The following DOCK4 variants were observed in gnomAD, a reference collection of about 807,000 sequenced individuals.
DOCK4 encodes dedicator of cytokinesis 4.
DOCK4 carries 97 observed loss-of-function variants against 268.1 expected under a neutral mutation model. The observed-to-expected ratio is 0.36, with a 90% CI of 0.31 to 0.43. The LOEUF (loss-of-function observed/expected upper bound fraction) is 0.43, where lower values mean the gene tolerates loss of function less well. Among genes scored for constraint, DOCK4 ranks in the 20% least tolerant of loss-of-function variants. The probability of loss-of-function intolerance (pLI) is 1.00; values close to 1 mark genes in which losing one functional copy is unlikely to be tolerated. For synonymous variants in DOCK4, 954 were observed against 887.2 expected (o/e 1.08, Z -1.34); for missense variants, 2,145 against 2,455.7 (o/e 0.87, Z 2.67).
chr7:112,037,876 G>A (rs1384203466), intron 1 of DOCK4, among the ~76,000 whole-genome samples: 1 of 152,112 alleles, frequency 6.6e-6, no homozygotes, highest in African/African-American at 2.4e-5. Flanking sequence ...GAAAGTTCCA[G>A]TTGCTCCATA....
At chr7:111,891,569 C>T (rs1000432577) in intron 16 of DOCK4, among the ~76,000 whole-genome samples, 2 of 152,200 alleles carry the variant, frequency 1.3e-5, no homozygotes, top group Non-Finnish European at 2.9e-5. Flanking sequence ...ATCACCTTTG[C>T]TCACCTTGTC....
chr7:111,834,877 C>T (rs1001366056), intron 25 of DOCK4, among the ~76,000 whole-genome samples, 191 bp from the exon 26 acceptor site: 2 of 151,844 alleles, frequency 1.3e-5, no homozygotes, highest in African/African-American at 2.4e-5. Context: ...ATGATGATTA[C>T]CATTTATTTA....
intron 36 of DOCK4, among the ~76,000 whole-genome samples, chr7:111,776,462 C>G (rs965446592): frequency 6.6e-6 from 1 of 152,114 alleles, no homozygotes; most frequent in African/African-American, 2.4e-5. Flanking sequence ...AATCAGTGGA[C>G]TTAACTCAAT....
At chr7:111,831,893 A>G (rs1322613362) in intron 26 of DOCK4, among the ~76,000 whole-genome samples, 1 of 152,138 alleles carries the variant, frequency 6.6e-6, no homozygotes, top group Non-Finnish European at 1.5e-5. Context: ...TCCTCAAAAC[A>G]AAGTCTACAC....
In DOCK4 at chr7:112,007,094, T is replaced by C. The variant is rs141000304; in HGVS notation, c.38-2963A>G. On this transcript the variant is annotated intron_variant, in intron 1 of 52. Coordinates refer to ENST00000428084, the MANE Select transcript of DOCK4 (RefSeq NM_001363540.2). Reference sequence around the variant, plus strand: ...TAGGACATTAGAAGATTTCCTGATGTTACTCCTTCCTTTTTGTCATCCGTG... The same window carrying C: ...TAGGACATTAGAAGATTTCCTGATGCTACTCCTTCCTTTTTGTCATCCGTG... 1.9e-3 allele frequency among the ~76,000 whole-genome samples: 296 copies of C among 152,326 alleles called. 1 individual carries two copies. Among genetic ancestry groups the C allele is most frequent in the African/African-American group, 6.6e-3 (275 of 41,576 alleles).
intron 1 of DOCK4, among the ~76,000 whole-genome samples, chr7:112,057,308 T>C (rs895685525): frequency 6.6e-5 from 10 of 152,020 alleles, no homozygotes; most frequent in Admixed American, 1.3e-4. Flanking sequence ...TTTGGGACTT[T>C]GGGATGCTGA....
chr7:111,872,415 T>G, intron 18 of DOCK4, 52 bp downstream of exon 18: 1 of 1,531,612 alleles, frequency 6.5e-7, no homozygotes, highest in Non-Finnish European at 8.8e-7. Context: ...CCTCCAAATG[T>G]TCTTTATTCT....
intron 1 of DOCK4, among the ~76,000 whole-genome samples, chr7:112,037,160 C>G (rs918037244): frequency 6.6e-6 from 1 of 152,146 alleles, no homozygotes; most frequent in African/African-American, 2.4e-5. Context: ...ATATTCAACA[C>G]TTTATTACAA....
At chr7:111,774,898 T>C (rs1798349009) in intron 36 of DOCK4, among the ~76,000 whole-genome samples, 1 of 152,176 alleles carries the variant, frequency 6.6e-6, no homozygotes, top group Non-Finnish European at 1.5e-5. Flanking sequence ...CAATACACAA[T>C]ACACAAATAA....
Position 111,895,717 on chromosome 7 carries a change from T to C in DOCK4, c.1482A>G (p.Thr494=). 1 of 1,613,712 alleles carries C rather than the reference T, an allele frequency of 6.2e-7. No homozygotes were observed. Among genetic ancestry groups the C allele is most frequent in the East Asian group, 2.2e-5 (1 of 44,872 alleles). ...ACAACTTCTTCTCTCCTTTCTCCTT[T>C]GCTGTAAAAAACAAATTACTTGCTT... ...HIRFEFRHCS[T]KEKGEKKLFG... is the part of the protein sequence containing the mutation. The change falls in exon 16 of 53, where the codon ACA becomes ACG. Residue 494 remains threonine, a splice_region_variant and synonymous_variant. Transcript: ENST00000428084.
chr7:111,792,861 C>T (rs1041035288), intron 30 of DOCK4, among the ~76,000 whole-genome samples: 3 of 152,146 alleles, frequency 2.0e-5, no homozygotes, highest in African/African-American at 7.2e-5. Context: ...TCTGGATAAT[C>T]GCCTTATTTT....
chr7:111,970,080 T>C (rs111561797), intron 8 of DOCK4, among the ~76,000 whole-genome samples: 2,180 of 152,306 alleles, frequency 0.014, 50 homozygotes, highest in African/African-American at 0.05. Flanking sequence ...TTCCTGTCAA[T>C]TCTTAAGGAG....
intron 16 of DOCK4, among the ~76,000 whole-genome samples, chr7:111,882,741 T>C (rs774515664): frequency 1.3e-5 from 2 of 152,084 alleles, no homozygotes; most frequent in South Asian, 2.1e-4. Flanking sequence ...GCCTCCCAAG[T>C]AGCTGGAATT....
intron 30 of DOCK4, among the ~76,000 whole-genome samples, chr7:111,806,972 T>C (rs555381467): frequency 1.3e-5 from 2 of 152,320 alleles, no homozygotes; most frequent in Middle Eastern, 3.4e-3. Context: ...TTATGAAGTA[T>C]ACAGTGACAT....
chr7:111,871,023 G>A (rs1021138841), intron 20 of DOCK4, among the ~76,000 whole-genome samples: 4 of 152,140 alleles, frequency 2.6e-5, no homozygotes, highest in African/African-American at 9.7e-5. Flanking sequence ...CATTCATTTC[G>A]ATGTTGGAGA....
chr7:112,175,080 GTCTTGAT>G (rs1265275556), intron 1 of DOCK4, among the ~76,000 whole-genome samples: 1 of 151,826 alleles, frequency 6.6e-6, no homozygotes, highest in African/African-American at 2.4e-5. Flanking sequence ...AGCCAGGATG[GTCTTGAT>G]CTCCTGACCT....
intron 1 of DOCK4, among the ~76,000 whole-genome samples, chr7:112,145,922 G>A (rs1464329606): frequency 2.6e-5 from 4 of 151,992 alleles, no homozygotes; most frequent in East Asian, 3.9e-4. Context: ...ATCTAACTTC[G>A]CTTAAACTGC....
rs779442359 is a variant in DOCK4, at chr7:111,944,830, G to C, written c.825C>G (p.Thr275=). The C allele has an allele frequency of 6.2e-6, 10 of 1,613,882 alleles. No homozygotes were observed. The highest frequency in any genetic ancestry group is 8.5e-6 in the Non-Finnish European group (10 of 1,179,850). Residue 275 remains threonine (T), a synonymous_variant, in exon 10 of 53, where the codon ACC becomes ACG. Coordinates refer to ENST00000428084, the MANE Select transcript of DOCK4 (RefSeq NM_001363540.2). ...ACCTACCGATTCGGATAATGTGCAC[G>C]GTGATATAAATGTCCTTTCTTAGCT... ...SSELRKDIYI[T]VHIIRIGRMG...
Position 111,808,877 on chromosome 7 carries a change from T to A in DOCK4, c.3110A>T (p.Tyr1037Phe). The A allele has an allele frequency of 6.2e-7, 1 of 1,612,862 alleles. No homozygotes were observed. The change falls in exon 30 of 53, where the codon TAT becomes TTT. Residue 1037 changes from tyrosine to phenylalanine, a missense_variant and splice_region_variant. Transcript: ENST00000428084. ...PSKKKKVLEK[Y>F]GDMRVTMGCE... ...ACCCATTGTTACCCGCATGTCACCA[T>A]ACCTGAAATAGAACAAAAAACCAAA...
Sources: gnomAD v4.1 joint callset for allele counts (sites outside exome capture counted in the v4.1 genomes callset) on GRCh38, gnomAD v4.1.1 for gene constraint, MANE v1.5 for transcripts, NCBI Gene and HGNC (gene_info 2026-07-23, HGNC 2026-07-21) for gene names.